SSBP3: variants seen among roughly 807,000 people sequenced by gnomAD.
SSBP3 encodes the protein single stranded DNA binding protein 3.
A neutral mutation model predicts 69.6 loss-of-function variants in SSBP3; 5 were observed. The ratio of observed to expected loss-of-function variants is 0.07; its 90% CI spans 0.04 to 0.15. The LOEUF is 0.15. Among genes scored for constraint, SSBP3 ranks in the 10% least tolerant of loss-of-function variants. The pLI, the probability that SSBP3 is intolerant of heterozygous loss-of-function variation, is 1.00. For missense variants in SSBP3, 312 were observed against 534.0 expected (o/e 0.58, Z 4.10); for synonymous variants, 196 against 193.4 (o/e 1.01, Z -0.11).
At chr1:54,344,109 G>T (rs1322103447) in intron 4 of SSBP3, among the ~76,000 whole-genome samples, 1 of 152,178 alleles carries the variant, frequency 6.6e-6, no homozygotes. Flanking sequence ...CCTGGGCTCA[G>T]TCACTCCAGT....
At chr1:54,319,189 C>T (rs1038595515) in intron 4 of SSBP3, among the ~76,000 whole-genome samples, 6 of 152,218 alleles carry the variant, frequency 3.9e-5, no homozygotes, top group East Asian at 1.9e-4. Context: ...TATCCTTATC[C>T]GCAGCCTACA....
At chr1:54,248,788 G>A (rs1482580635) in intron 9 of SSBP3, among the ~76,000 whole-genome samples, 1 of 152,162 alleles carries the variant, frequency 6.6e-6, no homozygotes, top group Non-Finnish European at 1.5e-5. Context: ...TTCAAGGGAC[G>A]TTTGGCTCTG....
intron 4 of SSBP3, among the ~76,000 whole-genome samples, chr1:54,332,888 G>A (rs932209192): frequency 5.9e-5 from 9 of 152,206 alleles, no homozygotes; most frequent in South Asian, 2.1e-4. Context: ...GCTGGCACTC[G>A]GGTCAGGAGG....
At chr1:54,251,489 G>A (rs975307441) in intron 9 of SSBP3, 127 bp downstream of exon 9, 110 of 1,037,452 alleles carry the variant, frequency 1.1e-4, no homozygotes, top group Non-Finnish European at 1.3e-4. Context: ...CAGGGGATGC[G>A]GCCATGCCCT....
intron 5 of SSBP3, among the ~76,000 whole-genome samples, chr1:54,273,176 A>G (rs1397504257): frequency 3.3e-5 from 5 of 152,260 alleles, no homozygotes; most frequent in African/African-American, 9.6e-5. Flanking sequence ...CTGCTGATGC[A>G]TAGCTAACTG....
intron 5 of SSBP3, among the ~76,000 whole-genome samples, chr1:54,271,400 C>T (rs773518503): frequency 5.3e-5 from 8 of 152,302 alleles, no homozygotes; most frequent in Non-Finnish European, 1.2e-4. Context: ...TGAGCCACCA[C>T]GTGTGGCCTG....
At chr1:54,342,103 C>T (rs1290377615) in intron 4 of SSBP3, among the ~76,000 whole-genome samples, 1 of 152,202 alleles carries the variant, frequency 6.6e-6, no homozygotes, top group African/African-American at 2.4e-5. Flanking sequence ...CAAAGTTTCC[C>T]TGCGGAGAGC....
At chr1:54,362,151 C>T (rs1266938838) in intron 4 of SSBP3, among the ~76,000 whole-genome samples, 2 of 152,216 alleles carry the variant, frequency 1.3e-5, no homozygotes, top group Non-Finnish European at 2.9e-5. Flanking sequence ...CAAATAAACA[C>T]ACCCACACAA....
intron 4 of SSBP3, among the ~76,000 whole-genome samples, chr1:54,375,228 TCAC>T (rs1647198633): frequency 6.6e-6 from 1 of 152,048 alleles, no homozygotes; most frequent in African/African-American, 2.4e-5. Context: ...TGCTGAAAAG[TCAC>T]CACCATGGGA....
intron 4 of SSBP3, among the ~76,000 whole-genome samples, chr1:54,294,159 A>AAAAAAAAAAAAAAAAAG (rs754650225): frequency 2.3e-5 from 2 of 86,166 alleles, no homozygotes; most frequent in Non-Finnish European, 4.5e-5. Flanking sequence ...AAAAAAAAAA[A>AAAAAAAAAAAAAAAAAG]AAAGAAAGAA....
At chr1:54,390,924 C>T (rs988583356) in intron 4 of SSBP3, among the ~76,000 whole-genome samples, 2 of 152,238 alleles carry the variant, frequency 1.3e-5, no homozygotes, top group Admixed American at 6.5e-5. Flanking sequence ...ACCGGCAGTG[C>T]GCACACGCCC....
At chr1:54,307,450 C>A (rs538010681) in intron 4 of SSBP3, among the ~76,000 whole-genome samples, 49 of 152,302 alleles carry the variant, frequency 3.2e-4, no homozygotes, top group South Asian at 8.3e-4. Context: ...CCTTACTATG[C>A]TGTGTTTAAC....
intron 5 of SSBP3, among the ~76,000 whole-genome samples, chr1:54,259,599 A>C (rs994654865): frequency 6.6e-6 from 1 of 152,200 alleles, no homozygotes; most frequent in Non-Finnish European, 1.5e-5. Flanking sequence ...AGTGTGGCTA[A>C]ATTAAAAAGA....
chr1:54,336,270 A>C (rs1646506143), intron 4 of SSBP3, among the ~76,000 whole-genome samples: 1 of 152,170 alleles, frequency 6.6e-6, no homozygotes, highest in Non-Finnish European at 1.5e-5. Flanking sequence ...CAAATATGAG[A>C]TGGGATTAAA....
intron 14 of SSBP3, among the ~76,000 whole-genome samples, chr1:54,229,089 G>A (rs570426962): frequency 6.6e-6 from 1 of 152,360 alleles, no homozygotes; most frequent in South Asian, 2.1e-4. Context: ...TCCACACAGA[G>A]GCACCTCTGA....
intron 4 of SSBP3, among the ~76,000 whole-genome samples, chr1:54,310,936 T>C (rs1284287864): frequency 1.3e-5 from 2 of 152,300 alleles, no homozygotes; most frequent in South Asian, 4.1e-4. Flanking sequence ...TGGGTCTCCG[T>C]GTGGGGGCTG....
intron 5 of SSBP3, among the ~76,000 whole-genome samples, chr1:54,270,122 C>T (rs971866020): frequency 6.6e-6 from 1 of 152,210 alleles, no homozygotes; most frequent in Non-Finnish European, 1.5e-5. Context: ...ACACCTTATG[C>T]TGGTACAAGT....
chr1:54,288,089 T>C (rs566238470), intron 4 of SSBP3, among the ~76,000 whole-genome samples: 1 of 152,290 alleles, frequency 6.6e-6, no homozygotes, highest in South Asian at 2.1e-4. Context: ...GCTTCTTGGC[T>C]GCCTCAGAAG....
intron 1 of SSBP3, among the ~76,000 whole-genome samples, chr1:54,411,849 G>A (rs1176983760): frequency 2.1e-5 from 3 of 144,944 alleles, no homozygotes; most frequent in Admixed American, 7.1e-5. Context: ...CCGAGATGGC[G>A]TCACTGCACT....
Sources: allele counts gnomAD v4.1 joint callset (sites outside exome capture counted in the v4.1 genomes callset), GRCh38; gene constraint gnomAD v4.1.1; transcripts MANE v1.5; gene names NCBI Gene and HGNC (gene_info 2026-07-23, HGNC 2026-07-21).